Variants in GPC6 observed in about 807,000 individuals in gnomAD.
The protein encoded by GPC6 is glypican-6.
A neutral mutation model predicts 55.2 loss-of-function variants in GPC6; 14 were observed. The observed-to-expected ratio is 0.25, with a 90% CI of 0.17 to 0.40. The LOEUF (loss-of-function observed/expected upper bound fraction) is 0.40, where lower values mean the gene tolerates loss of function less well. GPC6 is among the 10% of genes least tolerant of loss of function. GPC6 has a pLI of 1.00. For synonymous variants in GPC6, 278 were observed against 259.6 expected (o/e 1.07, Z -0.68); for missense variants, 641 against 708.5 (o/e 0.90, Z 1.08).
chr13:94,058,985 A>AATTTT (rs1288755049), intron 4 of GPC6, among the ~76,000 whole-genome samples: 129 of 152,312 alleles, frequency 8.5e-4, no homozygotes, highest in Middle Eastern at 3.4e-3. Flanking sequence ...TTTTAAGCAC[A>AATTTT]AGGGTTAGCT....
Position 93,227,656 on chromosome 13 carries a change from G to C in GPC6, c.160+40G>C, listed in dbSNP as rs114236097. Reference sequence around the variant, plus strand: ...GCTGCAGGGGCAGGCTGCAGCCCTCGGCTGCCGCACGTCCCACTGGCCGCC... The same window carrying C: ...GCTGCAGGGGCAGGCTGCAGCCCTCCGCTGCCGCACGTCCCACTGGCCGCC... On this transcript the variant is annotated intron_variant, in intron 1 of 8. Coordinates refer to ENST00000377047, the MANE Select transcript of GPC6 (RefSeq NM_005708.5). This position sits in a 1 kb window ranked among gnomAD's most constrained non-coding sequence, Gnocchi z 4.3. The C allele has an allele frequency of 5.9e-4, 900 of 1,533,442 alleles. 7 individuals are homozygous for C. In the African/African-American group the frequency reaches 0.011, roughly 18 times the overall value. The allele number at this position is 1,533,442 out of a possible 1,614,324, so 95.0% of individuals were successfully genotyped here. A position where few individuals can be genotyped will look rare whatever the true frequency, so the allele number is the denominator to read the frequency against.
chr13:93,269,929 A>G (rs1261874421), intron 1 of GPC6, among the ~76,000 whole-genome samples: 1 of 145,238 alleles, frequency 6.9e-6, no homozygotes, highest in Non-Finnish European at 1.5e-5. Context: ...TATGTGTGGT[A>G]TGATATGAGT....
intron 7 of GPC6, among the ~76,000 whole-genome samples, chr13:94,391,281 C>A (rs925534409): frequency 2.0e-5 from 3 of 152,186 alleles, no homozygotes; most frequent in Non-Finnish European, 4.4e-5. Context: ...ATTTGGGGAG[C>A]CATGTTAACA....
intron 3 of GPC6, among the ~76,000 whole-genome samples, chr13:93,956,675 A>G (rs531871086): frequency 3.5e-4 from 54 of 152,368 alleles, no homozygotes; most frequent in Non-Finnish European, 6.2e-4. Context: ...AATTAAAGCC[A>G]AAAGAGCCAC....
intron 2 of GPC6, among the ~76,000 whole-genome samples, chr13:93,789,509 C>CTCTATATA (rs1363454667): frequency 4.3e-5 from 4 of 93,458 alleles, no homozygotes; most frequent in African/African-American, 1.7e-4. Flanking sequence ...CTCTCTCTCT[C>CTCTATATA]TATATATATA....
intron 2 of GPC6, among the ~76,000 whole-genome samples, chr13:93,734,102 A>G (rs1883917840): frequency 2.8e-5 from 1 of 35,520 alleles, no homozygotes; most frequent in Non-Finnish European, 7.2e-5. Context: ...AGAATTCTGC[A>G]GTTTTGGGTT....
At chr13:93,691,973 G>A (rs561128815) in intron 2 of GPC6, among the ~76,000 whole-genome samples, 71 of 152,046 alleles carry the variant, frequency 4.7e-4, no homozygotes, top group African/African-American at 1.7e-3. Context: ...TGCTGTAAAG[G>A]TTGACTTATA....
chr13:93,388,747 T>C (rs1338184479), intron 1 of GPC6, among the ~76,000 whole-genome samples: 2 of 152,226 alleles, frequency 1.3e-5, no homozygotes, highest in South Asian at 2.1e-4. Context: ...CAAAACCTGA[T>C]ATATTTTTAT....
At chr13:93,789,499 CTCTCTCTCTCTATATA>C (rs1885925274) in intron 2 of GPC6, among the ~76,000 whole-genome samples, 3 of 77,912 alleles carry the variant, frequency 3.9e-5, no homozygotes, top group African/African-American at 9.6e-5. Flanking sequence ...CTCTCTCTCT[CTCTCTCTCTCTATATA>C]TATATATATA....
chr13:93,470,709 A>G (rs767049703), intron 1 of GPC6, among the ~76,000 whole-genome samples: 1 of 151,972 alleles, frequency 6.6e-6, no homozygotes, highest in South Asian at 2.1e-4. Flanking sequence ...AATTTTATAA[A>G]ATTGGTGTTA....
At chr13:93,848,280 C>A (rs1445290623) in intron 3 of GPC6, among the ~76,000 whole-genome samples, 1 of 152,096 alleles carries the variant, frequency 6.6e-6, no homozygotes, top group Admixed American at 6.6e-5. Flanking sequence ...TACTCAGAAA[C>A]CCTCAAACTA....
In GPC6 at chr13:93,454,837, G is replaced by A. The variant is rs373668894; in HGVS notation, c.161-90426G>A. On this transcript the variant is annotated intron_variant, in intron 1 of 8. Coordinates refer to ENST00000377047, the MANE Select transcript of GPC6 (RefSeq NM_005708.5). Reference sequence around the variant, plus strand: ...TGGGAGTGGGCGCCCTGGAGCAGGGGGTGGAGCTGTCGAGGAGGCTTGGGC... The same window carrying A: ...TGGGAGTGGGCGCCCTGGAGCAGGGAGTGGAGCTGTCGAGGAGGCTTGGGC... 1.6e-4 allele frequency among the ~76,000 whole-genome samples: 25 copies of A among 152,376 alleles called. No individual in the cohort carries two copies. The East Asian group carries it at 3.7e-3, about 22-fold the overall frequency.
chr13:94,245,105 A>T (rs1891158597), intron 4 of GPC6, among the ~76,000 whole-genome samples: 2 of 152,090 alleles, frequency 1.3e-5, no homozygotes, highest in African/African-American at 4.8e-5. Context: ...ATTGTACATT[A>T]GACCTTTTGA....
chr13:93,721,765 A>G (rs1013289125), intron 2 of GPC6, among the ~76,000 whole-genome samples: 1 of 151,786 alleles, frequency 6.6e-6, no homozygotes, highest in Non-Finnish European at 1.5e-5. Flanking sequence ...AATCAGCTTT[A>G]AGTAACTTAA....
chr13:94,245,849 C>T (rs947709340), intron 4 of GPC6, among the ~76,000 whole-genome samples: 8 of 151,920 alleles, frequency 5.3e-5, no homozygotes, highest in Non-Finnish European at 8.8e-5. Flanking sequence ...ATTGCAGATA[C>T]CTTTGTGAGG....
intron 2 of GPC6, among the ~76,000 whole-genome samples, chr13:93,610,783 TTC>T (rs1878428713): frequency 6.6e-6 from 1 of 152,138 alleles, no homozygotes; most frequent in Non-Finnish European, 1.5e-5. Context: ...TTTTTTTTTC[TTC>T]TGTTTTCTAT....
chr13:93,946,082 C>T (rs1444866554), intron 3 of GPC6, among the ~76,000 whole-genome samples: 2 of 152,074 alleles, frequency 1.3e-5, no homozygotes, highest in Non-Finnish European at 1.5e-5. Context: ...AGTCTTGTAG[C>T]ATTTGCCGAT....
At chr13:93,224,135 T>A (rs1191117487), upstream of GPC6, among the ~76,000 whole-genome samples, 3 of 151,684 alleles carry the variant, frequency 2.0e-5, no homozygotes, top group South Asian at 2.1e-4. Flanking sequence ...CCTGACCTCG[T>A]GATCTGCCCG....
chr13:94,350,622 A>G (rs1878493758), intron 6 of GPC6, among the ~76,000 whole-genome samples: 1 of 152,202 alleles, frequency 6.6e-6, no homozygotes, highest in Non-Finnish European at 1.5e-5. Context: ...AATACATGAG[A>G]TATGAATATA....
Sources: gnomAD v4.1 joint callset for allele counts (sites outside exome capture counted in the v4.1 genomes callset) on GRCh38, gnomAD v4.1.1 for gene constraint, Gnocchi (gnomAD v3.1) non-coding constraint, MANE v1.5 for transcripts, NCBI Gene and HGNC (gene_info 2026-07-23, HGNC 2026-07-21) for gene names.